Variants in CRTC3 observed in about 807,000 individuals in gnomAD.
CRTC3 encodes CREB regulated transcription coactivator 3.
CRTC3 carries 26 observed loss-of-function variants against 74.5 expected under a neutral mutation model. That is an observed-to-expected ratio of 0.35 (90% CI 0.26 to 0.48). The LOEUF is 0.48. Ranked by LOEUF, CRTC3 falls within the 20% of genes least tolerant of loss-of-function variation. The pLI is 0.99. For synonymous variants in CRTC3, 377 were observed against 325.8 expected (o/e 1.16, Z -1.69); for missense variants, 760 against 787.3 (o/e 0.97, Z 0.41).
At chr15:90,620,858 T>C (rs534832770) in intron 9 of CRTC3, among the ~76,000 whole-genome samples, 2 of 152,288 alleles carry the variant, frequency 1.3e-5, no homozygotes, top group East Asian at 3.9e-4. Flanking sequence ...TCATTGAATG[T>C]GATTTCCCCC....
In CRTC3 at chr15:90,625,782, T is replaced by C; in HGVS notation, c.756T>C (p.Phe252=). 1 of 1,613,748 alleles carries C rather than the reference T, an allele frequency of 6.2e-7. No individual in the cohort carries two copies. Among genetic ancestry groups the C allele is most frequent in the African/African-American group, 1.3e-5 (1 of 75,030 alleles). Residue 252 remains phenylalanine, a synonymous_variant, in exon 10 of 15, where the codon TTT becomes TTC. Coordinates refer to ENST00000268184, the MANE Select transcript of CRTC3 (RefSeq NM_022769.5). The stretch of plus-strand genomic sequence containing the variant: ...TTAATCTTTCTTTTTTCAGTGCTTT[T>C]CCACATAATGGTCAAAACCTAGGCC... The part of the protein sequence containing the change: ...RSCDVGGGNA[F]PHNGQNLGLS...
intron 2 of CRTC3, among the ~76,000 whole-genome samples, chr15:90,541,342 T>C (rs1313552338): frequency 6.6e-6 from 1 of 152,232 alleles, no homozygotes; most frequent in Admixed American, 6.5e-5. Context: ...TTTTTGATGA[T>C]GTCAAATAAA....
chr15:90,550,791 C>T (rs1044968581), intron 2 of CRTC3, among the ~76,000 whole-genome samples: 8 of 152,052 alleles, frequency 5.3e-5, no homozygotes, highest in African/African-American at 1.9e-4. Context: ...CCTCTCAGGG[C>T]TCCTGCCCCC....
chr15:90,557,505 G>A (rs78693755), intron 2 of CRTC3, among the ~76,000 whole-genome samples: 3,578 of 152,236 alleles, frequency 0.024, 143 homozygotes, highest in African/African-American at 0.08. Context: ...TCTCAGACAC[G>A]TACAAATGGT....
intron 6 of CRTC3, 116 bp from the exon 7 acceptor site, chr15:90,614,337 C>A: frequency 1.4e-6 from 1 of 691,932 alleles, no homozygotes; most frequent in East Asian, 2.9e-5. Flanking sequence ...ATCAAAAGTG[C>A]CTTAGAATTT....
intron 2 of CRTC3, among the ~76,000 whole-genome samples, chr15:90,561,879 G>A (rs1444992844): frequency 6.6e-6 from 1 of 152,160 alleles, no homozygotes. Context: ...AGCTTTAGTT[G>A]TTTATTATTA....
At chr15:90,546,138 G>T (rs1031133869) in intron 2 of CRTC3, among the ~76,000 whole-genome samples, 2 of 151,898 alleles carry the variant, frequency 1.3e-5, no homozygotes, top group East Asian at 3.9e-4. Flanking sequence ...AGTTCCCGAA[G>T]GTTTTTTTTC....
At chr15:90,593,889 A>G (rs1177976882) in intron 3 of CRTC3, 134 bp downstream of exon 3, 2 of 865,280 alleles carry the variant, frequency 2.3e-6, no homozygotes, top group Non-Finnish European at 3.3e-6. Flanking sequence ...ATACAAATAA[A>G]TGAGTTGGAA....
chr15:90,540,014 C>G (rs540217467), intron 1 of CRTC3, 25 bp from the exon 2 acceptor site: 2 of 1,491,126 alleles, frequency 1.3e-6, no homozygotes, highest in African/African-American at 1.4e-5. Flanking sequence ...TACCTCTCAG[C>G]GTTCTTAAAT....
intron 5 of CRTC3, among the ~76,000 whole-genome samples, chr15:90,604,720 A>G (rs1290846237): frequency 1.3e-5 from 2 of 152,168 alleles, no homozygotes; most frequent in African/African-American, 4.8e-5. Context: ...TGAAAAATGG[A>G]GATAATGCTA....
chr15:90,634,492 T>A (rs1969160691), intron 11 of CRTC3, among the ~76,000 whole-genome samples: 1 of 152,258 alleles, frequency 6.6e-6, no homozygotes, highest in African/African-American at 2.4e-5. Context: ...AAGGATTTTC[T>A]TAGTAGCCTA....
In CRTC3 at chr15:90,604,137, A is replaced by G. The variant is rs146915285; in HGVS notation, c.414-248A>G. ...AACTCCTCATCTGCCCAGCTAGCTA[A>G]TCCTGTGCCTTATGGGTTTGTAGTA... On this transcript the variant is annotated intron_variant, in intron 4 of 14. Transcript: ENST00000268184. 4.2e-4 allele frequency: 177 copies of G among 422,604 alleles called. 1 individual carries two copies. The highest frequency in any genetic ancestry group is 3.1e-3 in the African/African-American group (155 of 50,416). The allele number at this position is 422,604 out of a possible 1,614,324, so 26.2% of individuals were successfully genotyped here. A position where few individuals can be genotyped will look rare whatever the true frequency, so the allele number is the denominator to read the frequency against.
At chr15:90,543,577 T>C (rs1355491883) in intron 2 of CRTC3, among the ~76,000 whole-genome samples, 1 of 152,110 alleles carries the variant, frequency 6.6e-6, no homozygotes, top group African/African-American at 2.4e-5. Flanking sequence ...AGAGTAAGAG[T>C]GGGCTTGAAG....
chr15:90,542,853 A>G (rs1476375486), intron 2 of CRTC3, among the ~76,000 whole-genome samples: 1 of 152,130 alleles, frequency 6.6e-6, no homozygotes, highest in Non-Finnish European at 1.5e-5. Flanking sequence ...ATAACCCCTC[A>G]ATTGGGGTCT....
chr15:90,622,016 G>A (rs7179955), intron 9 of CRTC3, among the ~76,000 whole-genome samples: 3,222 of 152,254 alleles, frequency 0.021, 124 homozygotes, highest in African/African-American at 0.073. Flanking sequence ...CGCAACTGTG[G>A]CAGGTGGACA....
chr15:90,551,553 G>A (rs1454887844), intron 2 of CRTC3, among the ~76,000 whole-genome samples: 5 of 152,136 alleles, frequency 3.3e-5, no homozygotes, highest in Admixed American at 2.0e-4. Context: ...TTTGAGAAGT[G>A]GGAGAGTTCT....
At chr15:90,556,041 A>G (rs969687937) in intron 2 of CRTC3, among the ~76,000 whole-genome samples, 1 of 152,202 alleles carries the variant, frequency 6.6e-6, no homozygotes, top group East Asian at 1.9e-4. Context: ...TTTTTCATGT[A>G]TCTTTATACA....
chr15:90,628,415 C>T (rs1007287934), intron 10 of CRTC3, among the ~76,000 whole-genome samples: 2 of 152,142 alleles, frequency 1.3e-5, no homozygotes, highest in African/African-American at 4.8e-5. Context: ...AGTTGAGATA[C>T]ACACAGCAGC....
In CRTC3 at chr15:90,569,733, G is replaced by A. The variant is rs146300315; in HGVS notation, c.232-23903G>A. Among the ~76,000 whole-genome samples, 75 of 151,492 alleles carry A rather than the reference G, an allele frequency of 5.0e-4. 1 individual carries two copies. Among genetic ancestry groups the A allele is most frequent in the Non-Finnish European group, 9.1e-4 (62 of 67,854 alleles). ...GTAGCTGGGATTGTAGGTTCACCCCGCCATGCCTGGCTAATTTTTTATTTT... is the reference window on the plus strand; with the variant it reads ...GTAGCTGGGATTGTAGGTTCACCCCACCATGCCTGGCTAATTTTTTATTTT... On this transcript the variant is annotated intron_variant, in intron 2 of 14. Coordinates refer to ENST00000268184, the MANE Select transcript of CRTC3 (RefSeq NM_022769.5).
Sources: allele counts gnomAD v4.1 joint callset (sites outside exome capture counted in the v4.1 genomes callset), GRCh38; gene constraint gnomAD v4.1.1; transcripts MANE v1.5; gene names NCBI Gene and HGNC (gene_info 2026-07-23, HGNC 2026-07-21).